The following EXOC2 variants were observed in gnomAD, a reference collection of about 807,000 sequenced individuals.
EXOC2 encodes exocyst complex component 2.
EXOC2 carries 70 observed loss-of-function variants against 131.8 expected under a neutral mutation model. The observed-to-expected ratio is 0.53, with a 90% confidence interval of 0.44 to 0.65. EXOC2 has a LOEUF of 0.65. Among genes scored for constraint, EXOC2 ranks in the 30% least tolerant of loss-of-function variants. The pLI is 0.00. For missense variants in EXOC2, 923 were observed against 1,108.6 expected (o/e 0.83, Z 2.38); for synonymous variants, 411 against 398.4 (o/e 1.03, Z -0.38).
At position 673,252 on chromosome 6, in the gene EXOC2, C is replaced by CAAAAAAAAAAA. The variant is rs56189394; in HGVS notation, c.-44+19756_-44+19766dup. ...GGTGACAAAAGTGAGACTCCATAGC[C>CAAAAAAAAAAA]AAAAAAAAAAAAAAAAAAAAAAAAA... On this transcript the variant is annotated intron_variant, in intron 1 of 27. Transcript: ENST00000230449. Among the ~76,000 whole-genome samples the CAAAAAAAAAAA allele has an allele frequency of 9.0e-4, 58 of 64,246 alleles. 1 individual carries two copies. Among genetic ancestry groups the CAAAAAAAAAAA allele is most frequent in the African/African-American group, 2.9e-3 (41 of 14,204 alleles). The allele number at this position is 64,246 out of a possible 152,430, so 42.1% of individuals were successfully genotyped here.
At chr6:525,262 T>A (rs1056035033) in intron 23 of EXOC2, 1 of 152,246 alleles carries the variant, frequency 6.6e-6, no homozygotes, top group African/African-American at 2.4e-5. Context: ...GTAAAAACTT[T>A]CTAAGTGTAA....
At chr6:675,897 A>C (rs1764098640) in intron 1 of EXOC2, among the ~76,000 whole-genome samples, 1 of 85,438 alleles carries the variant, frequency 1.2e-5, no homozygotes, top group African/African-American at 3.6e-5. Context: ...ACATTACGGA[A>C]AGGACAGTTT....
At chr6:505,115 G>C (rs1051798306) in intron 23 of EXOC2, among the ~76,000 whole-genome samples, 1 of 151,780 alleles carries the variant, frequency 6.6e-6, no homozygotes, top group African/African-American at 2.4e-5. Context: ...AGTTGAGTTT[G>C]CATATAGGAA....
intron 22 of EXOC2, among the ~76,000 whole-genome samples, chr6:534,557 G>T (rs1766322015): frequency 6.6e-6 from 1 of 152,180 alleles, no homozygotes; most frequent in Non-Finnish European, 1.5e-5. Flanking sequence ...GCAGTACTGG[G>T]AGCTGAAATC....
chr6:586,119 A>G (rs770516601), intron 11 of EXOC2, among the ~76,000 whole-genome samples: 3 of 152,218 alleles, frequency 2.0e-5, no homozygotes, highest in Non-Finnish European at 4.4e-5. Context: ...GTGTTTTCAA[A>G]TGCTCTAGCC....
In EXOC2 at chr6:638,656, G is replaced by A. The variant is rs1357481902; in HGVS notation, c.-43-795C>T. Among the ~76,000 whole-genome samples, 3 of 152,266 alleles carry A rather than the reference G, an allele frequency of 2.0e-5. No homozygotes were observed. In the East Asian group the frequency reaches 5.8e-4, roughly 29 times the overall value. The stretch of plus-strand genomic sequence containing the variant: ...AGCAATAAATAATAAAAGTTTGCCG[G>A]GTGCGGTGGCTCATGCCTGTAATCC... On this transcript the variant is annotated intron_variant, in intron 1 of 27. Transcript: ENST00000230449.
intron 13 of EXOC2, among the ~76,000 whole-genome samples, chr6:566,060 A>T (rs9502274): frequency 0.12 from 18,241 of 152,176 alleles, 1,325 homozygotes; most frequent in Middle Eastern, 0.18. Flanking sequence ...CGCAGCTTTT[A>T]TCATTTTTTT....
intron 5 of EXOC2, among the ~76,000 whole-genome samples, chr6:618,053 A>G (rs1315505544): frequency 6.6e-6 from 1 of 152,236 alleles, no homozygotes; most frequent in Admixed American, 6.5e-5. Context: ...CAGCTACAAG[A>G]CTTTCGGAGC....
Position 553,926 on chromosome 6 carries a change from C to T in EXOC2, c.2055-6G>A, listed in dbSNP as rs764961811. ...AAGAAACATCAACAGAGAGACTGAA[C>T]ATAGAAGCAAGTAGGAACAGTTACA... On this transcript the variant is annotated splice_polypyrimidine_tract_variant and splice_region_variant and intron_variant, in intron 20 of 27. Transcript: ENST00000230449. The T allele has an allele frequency of 2.1e-5, 34 of 1,612,562 alleles. No homozygotes were observed. Among genetic ancestry groups the T allele is most frequent in the Non-Finnish European group, 2.7e-5 (32 of 1,178,856 alleles).
chr6:656,545 C>G (rs1182955965), intron 1 of EXOC2: 8 of 1,599,886 alleles, frequency 5.0e-6, no homozygotes, highest in Non-Finnish European at 6.8e-6. Flanking sequence ...AGCACCCGCA[C>G]GGGCAGATCG....
At chr6:536,412 A>C (rs779788546) in intron 22 of EXOC2, among the ~76,000 whole-genome samples, 6 of 152,178 alleles carry the variant, frequency 3.9e-5, no homozygotes, top group Non-Finnish European at 5.9e-5. Context: ...GACATGGAAA[A>C]TCTCTAATGG....
chr6:522,227 T>C (rs1765506050), intron 23 of EXOC2, among the ~76,000 whole-genome samples: 1 of 151,984 alleles, frequency 6.6e-6, no homozygotes, highest in African/African-American at 2.4e-5. Context: ...TTAGGTGAAA[T>C]GATGGTACAG....
rs555430449 is a variant in EXOC2, at chr6:582,113, T to C, written c.1193-5231A>G. ...TTTTTCTAAAAGAAAGTAAACAATC[T>C]TTGACAATCGAGACTCTATAGAAAA... On this transcript the variant is annotated intron_variant, in intron 11 of 27. Transcript: ENST00000230449. 1.6e-3 allele frequency among the ~76,000 whole-genome samples: 241 copies of C among 152,282 alleles called. 3 individuals are homozygous for C. Among genetic ancestry groups the C allele is most frequent in the African/African-American group, 5.5e-3 (228 of 41,564 alleles).
chr6:682,357 G>A (rs1764448240), intron 1 of EXOC2, among the ~76,000 whole-genome samples: 1 of 151,768 alleles, frequency 6.6e-6, no homozygotes, highest in African/African-American at 2.4e-5. Flanking sequence ...CCACTACCAC[G>A]CCCGGCTAAT....
chr6:542,557 A>G (rs1756618562), intron 22 of EXOC2, among the ~76,000 whole-genome samples: 1 of 152,210 alleles, frequency 6.6e-6, no homozygotes, highest in Non-Finnish European at 1.5e-5. Flanking sequence ...AGTCCTAGAA[A>G]AATACAGATG....
intron 22 of EXOC2, among the ~76,000 whole-genome samples, chr6:543,358 G>C (rs1338290451): frequency 6.6e-6 from 1 of 152,122 alleles, no homozygotes; most frequent in Admixed American, 6.5e-5. Flanking sequence ...AAATAAACCA[G>C]GCACGGAAAG....
chr6:627,566 T>C (rs971075003), intron 4 of EXOC2, among the ~76,000 whole-genome samples: 1 of 152,244 alleles, frequency 6.6e-6, no homozygotes, highest in African/African-American at 2.4e-5. Flanking sequence ...CTAATGGCGA[T>C]GCCAGGGATT....
At chr6:546,591 C>A (rs758478120) in intron 22 of EXOC2, among the ~76,000 whole-genome samples, 1 of 152,212 alleles carries the variant, frequency 6.6e-6, no homozygotes, top group Non-Finnish European at 1.5e-5. Flanking sequence ...GCAAGACCAA[C>A]CCCTCCTCTT....
chr6:559,553 G>C (rs193118087), intron 17 of EXOC2, among the ~76,000 whole-genome samples: 75 of 152,260 alleles, frequency 4.9e-4, no homozygotes, highest in African/African-American at 1.7e-3. Context: ...AGGTGCACTG[G>C]GGGTCAGTTC....
Sources: allele counts gnomAD v4.1 joint callset (sites outside exome capture counted in the v4.1 genomes callset), GRCh38; gene constraint gnomAD v4.1.1; transcripts MANE v1.5; gene names NCBI Gene and HGNC (gene_info 2026-07-23, HGNC 2026-07-21).